Variants in DGKG observed in about 807,000 individuals in gnomAD.
DGKG encodes diacylglycerol kinase gamma.
In DGKG, 78 loss-of-function variants were observed where a neutral mutation model predicts 105.3. The ratio of observed to expected loss-of-function variants is 0.74; its 90% CI spans 0.62 to 0.89. The LOEUF (loss-of-function observed/expected upper bound fraction) is 0.89. Among genes scored for constraint, DGKG ranks in the 40% least tolerant of loss-of-function variants. DGKG has a pLI of 0.00. For missense variants in DGKG, 958 were observed against 1,020.1 expected (o/e 0.94, Z 0.83); for synonymous variants, 346 against 367.1 (o/e 0.94, Z 0.66).
intron 2 of DGKG, among the ~76,000 whole-genome samples, chr3:186,313,112 C>T (rs573884810): frequency 2.2e-4 from 34 of 152,344 alleles, no homozygotes; most frequent in Non-Finnish European, 3.1e-4. Context: ...TGGTTATCAA[C>T]CTTGGCTGCT....
chr3:186,279,002 GGT>G (rs902231511), intron 9 of DGKG: 1 of 152,166 alleles, frequency 6.6e-6, no homozygotes, highest in Non-Finnish European at 1.5e-5. Context: ...GTCAGATGAA[GGT>G]ATATATAACA....
chr3:186,305,569 A>T (rs1034990013), intron 3 of DGKG, among the ~76,000 whole-genome samples: 1 of 152,126 alleles, frequency 6.6e-6, no homozygotes, highest in Non-Finnish European at 1.5e-5. Context: ...ACAAGCTCTG[A>T]CATAAGTTTT....
At chr3:186,202,673 A>G (rs887421684) in intron 21 of DGKG, among the ~76,000 whole-genome samples, 2 of 152,208 alleles carry the variant, frequency 1.3e-5, no homozygotes, top group African/African-American at 4.8e-5. Context: ...TAGAAGACAT[A>G]TGCTTCCTGG....
intron 20 of DGKG, among the ~76,000 whole-genome samples, chr3:186,228,399 C>T (rs921171962): frequency 6.6e-6 from 1 of 152,292 alleles, no homozygotes. Flanking sequence ...TTTAAAGTCC[C>T]AGTGTTTCTA....
Position 186,284,451 on chromosome 3 carries a change from C to T in DGKG, c.594+209G>A, listed in dbSNP as rs1722966690. 1.3e-5 allele frequency among the ~76,000 whole-genome samples: 2 copies of T among 152,038 alleles called. No individual in the cohort carries two copies. The highest frequency in any genetic ancestry group is 6.6e-5 in the Admixed American group (1 of 15,264). Reference sequence around the variant, plus strand: ...ATTTGATGATCCCAGGCTTCTAGAGCGAAAAGGTAAGTTGGCATTCACGCT... The same window carrying T: ...ATTTGATGATCCCAGGCTTCTAGAGTGAAAAGGTAAGTTGGCATTCACGCT... On this transcript the variant is annotated intron_variant, in intron 7 of 24. Coordinates refer to ENST00000265022, the MANE Select transcript of DGKG (RefSeq NM_001346.3). The surrounding 1 kb of genome is among the most constrained non-coding windows in gnomAD (Gnocchi z 4.0).
Position 186,306,879 on chromosome 3 carries a change from C to A in DGKG, c.144+22G>T, listed in dbSNP as rs369812409. On this transcript the variant is annotated intron_variant, in intron 3 of 24. Coordinates refer to ENST00000265022, the MANE Select transcript of DGKG (RefSeq NM_001346.3). ...TAAAAAACACAGGGGTTTTTAAAGG[C>A]TTAAAATGGAAATGTTCTTACCTCA... 9.0e-5 allele frequency: 140 copies of A among 1,556,106 alleles called. No individual in the cohort carries two copies. The African/African-American group carries it at 1.4e-3, about 16-fold the overall frequency.
intron 23 of DGKG, among the ~76,000 whole-genome samples, chr3:186,163,978 G>A (rs1716418108): frequency 6.6e-6 from 1 of 152,160 alleles, no homozygotes; most frequent in Admixed American, 6.5e-5. Context: ...ATGAAGAAAA[G>A]GGGTCAGTGG....
At chr3:186,294,000 T>C (rs955485522) in intron 5 of DGKG, among the ~76,000 whole-genome samples, 1 of 151,988 alleles carries the variant, frequency 6.6e-6, no homozygotes, top group African/African-American at 2.4e-5. Context: ...GGGCCAAGAG[T>C]CAGATAATTG....
At chr3:186,318,586 G>A (rs550822082) in intron 2 of DGKG, among the ~76,000 whole-genome samples, 51 of 152,234 alleles carry the variant, frequency 3.4e-4, no homozygotes, top group Non-Finnish European at 6.6e-4. Context: ...CCGAATGGGG[G>A]GATCCAGGCC....
chr3:186,297,437 G>A lies in DGKG; in HGVS notation c.357C>T (p.Ala119=). ...AAGACTTACCAGTATCAGGGGCACAGGCCTCGTCTGCTTTGGTGGCATTAT... is the reference window on the plus strand; with the variant it reads ...AAGACTTACCAGTATCAGGGGCACAAGCCTCGTCTGCTTTGGTGGCATTAT... ...NADNATKADE[A]CAPDTESNMA... is the part of the protein sequence containing the mutation. The change falls in exon 5 of 25, where the codon GCC becomes GCT. Residue 119 remains alanine, a synonymous_variant. Transcript: ENST00000265022. 6.2e-7 allele frequency: 1 copy of A among 1,612,710 alleles called. No homozygotes were observed. The highest frequency in any genetic ancestry group is 1.1e-5 in the South Asian group (1 of 91,054).
chr3:186,161,434 G>A, intron 24 of DGKG, 169 bp downstream of exon 24: 1 of 1,441,366 alleles, frequency 6.9e-7, no homozygotes, highest in Non-Finnish European at 9.1e-7. Context: ...TTCATTAAGA[G>A]TTGCCAGGTA....
intron 1 of DGKG, among the ~76,000 whole-genome samples, chr3:186,347,970 T>A (rs1300877768): frequency 1.3e-5 from 2 of 152,230 alleles, no homozygotes; most frequent in Non-Finnish European, 2.9e-5. Context: ...TTTATATTCA[T>A]CTACTGTCTT....
intron 24 of DGKG, among the ~76,000 whole-genome samples, chr3:186,150,958 C>G (rs781506242): frequency 6.6e-5 from 10 of 152,166 alleles, no homozygotes; most frequent in Non-Finnish European, 1.0e-4. Context: ...TCTACATTAT[C>G]CATCCACAAT....
chr3:186,170,709 A>G (rs753401324), intron 22 of DGKG, among the ~76,000 whole-genome samples: 1 of 152,198 alleles, frequency 6.6e-6, no homozygotes, highest in African/African-American at 2.4e-5. Context: ...CACCCAAAAT[A>G]CATTAGTTTC....
intron 22 of DGKG, among the ~76,000 whole-genome samples, chr3:186,165,777 C>T (rs1327660916): frequency 6.6e-6 from 1 of 152,208 alleles, no homozygotes; most frequent in African/African-American, 2.4e-5. Context: ...TGGTGCTTCC[C>T]CAGTTTCTTG....
Position 186,257,947 on chromosome 3 carries a change from G to A in DGKG, c.1425-8C>T. 1 of 1,612,952 alleles carries A rather than the reference G, an allele frequency of 6.2e-7. No homozygotes were observed. The highest frequency in any genetic ancestry group is 8.5e-7 in the Non-Finnish European group (1 of 1,178,970). ...TCACGGAAAAAGTTCAACCTGGGAA[G>A]AAGAAGAAAGGCCAAAATGGGCTTG... On this transcript the variant is annotated splice_region_variant and splice_polypyrimidine_tract_variant and intron_variant, in intron 16 of 24. Transcript: ENST00000265022.
At chr3:186,193,513 A>C (rs1373278652) in intron 21 of DGKG, among the ~76,000 whole-genome samples, 1 of 152,196 alleles carries the variant, frequency 6.6e-6, no homozygotes, top group Non-Finnish European at 1.5e-5. Flanking sequence ...AGGCATCTTA[A>C]CGGCCTCTTG....
chr3:186,224,094 A>G (rs1719732517), intron 20 of DGKG, among the ~76,000 whole-genome samples: 2 of 152,186 alleles, frequency 1.3e-5, no homozygotes, highest in Non-Finnish European at 2.9e-5. Flanking sequence ...CTGTGATTTT[A>G]GAGTTTAATT....
chr3:186,210,216 G>C lies in DGKG; in HGVS notation c.1917+1579C>G, dbSNP rs1718966978. Among the ~76,000 whole-genome samples, 1 of 152,202 alleles carries C rather than the reference G, an allele frequency of 6.6e-6. No homozygotes were observed. The highest frequency in any genetic ancestry group is 2.4e-5 in the African/African-American group (1 of 41,448). On this transcript the variant is annotated intron_variant, in intron 21 of 24. Transcript: ENST00000265022. The surrounding 1 kb of genome is among the most constrained non-coding windows in gnomAD (Gnocchi z 5.2). ...AACAAGCAGTCGCTGTGCGCCTGCA[G>C]CTGGCTGTGGTTAGGCCAGGGCTGT...
Sources: allele counts gnomAD v4.1 joint callset (sites outside exome capture counted in the v4.1 genomes callset), GRCh38; gene constraint gnomAD v4.1.1; non-coding constraint Gnocchi (gnomAD v3.1); transcripts MANE v1.5; gene names NCBI Gene and HGNC (gene_info 2026-07-23, HGNC 2026-07-21).